The following CNTN5 variants were observed in gnomAD, a reference collection of about 807,000 sequenced individuals.
CNTN5 encodes the protein contactin 5.
Under a neutral mutation model 129.1 loss-of-function variants are expected in CNTN5, and 77 were observed. That is an observed-to-expected ratio of 0.60 (90% CI 0.50 to 0.72). The LOEUF is 0.72. Among genes scored for constraint, CNTN5 ranks in the 30% least tolerant of loss-of-function variants. The pLI is 0.00. For missense variants in CNTN5, 1,478 were observed against 1,328.8 expected (o/e 1.11, Z -1.75); for synonymous variants, 509 against 465.6 (o/e 1.09, Z -1.20).
intron 3 of CNTN5, among the ~76,000 whole-genome samples, chr11:99,662,188 G>A (rs932954581): frequency 1.3e-5 from 2 of 152,038 alleles, no homozygotes; most frequent in Non-Finnish European, 2.9e-5. Context: ...TAAGTACTGA[G>A]AATATTTCAA....
chr11:99,186,271 A>C (rs1440942130), intron 1 of CNTN5, among the ~76,000 whole-genome samples: 2 of 151,954 alleles, frequency 1.3e-5, no homozygotes, highest in Admixed American at 1.3e-4. Flanking sequence ...AATAGAGAGA[A>C]ATACTTTTCT....
rs868258491 is a variant in CNTN5 at position 99,796,879 on chromosome 11, T to C, written c.56-22665T>C. Among the ~76,000 whole-genome samples the C allele has an allele frequency of 6.6e-5, 10 of 152,156 alleles. 1 individual carries two copies. Among genetic ancestry groups the C allele is most frequent in the Admixed American group, 3.9e-4 (6 of 15,282 alleles). ...AAGCAGCTCTCCCTGACAACTCAAG[T>C]GTCTCTGGAGGTCGTGTGGTCTTCT... On this transcript the variant is annotated intron_variant, in intron 3 of 24. Coordinates refer to ENST00000524871, the MANE Select transcript of CNTN5 (RefSeq NM_014361.4).
intron 6 of CNTN5, among the ~76,000 whole-genome samples, chr11:99,909,762 G>A (rs536322629): frequency 2.8e-4 from 42 of 151,858 alleles, no homozygotes; most frequent in Middle Eastern, 6.8e-3. Flanking sequence ...ATTGAACAAT[G>A]AGAACACATG....
rs1381352741 is a variant in CNTN5, at chr11:100,286,112, C to T, written c.2315-11513C>T. Among the ~76,000 whole-genome samples the T allele has an allele frequency of 3.9e-5, 6 of 152,316 alleles. No individual in the cohort carries two copies. In the South Asian group the frequency reaches 6.2e-4, roughly 16 times the overall value. On this transcript the variant is annotated intron_variant, in intron 18 of 24. Transcript: ENST00000524871. ...CCTGGCTGGGAGGGTCCTACGCCCA[C>T]GGAGTCTCGCTGATTGCTAGCACAG...
chr11:99,937,860 G>T (rs12795804), intron 7 of CNTN5, among the ~76,000 whole-genome samples: 45,706 of 152,050 alleles, frequency 0.3, 8,110 homozygotes, highest in South Asian at 0.39. Flanking sequence ...CCTTGATCTT[G>T]AAACTGAACC....
intron 3 of CNTN5, among the ~76,000 whole-genome samples, chr11:99,660,834 C>T (rs1351426883): frequency 6.6e-6 from 1 of 151,784 alleles, no homozygotes; most frequent in East Asian, 1.9e-4. Flanking sequence ...TTTTTCTTCT[C>T]TACATTTCAA....
chr11:100,105,580 C>T (rs751274084), intron 13 of CNTN5, among the ~76,000 whole-genome samples: 21 of 152,156 alleles, frequency 1.4e-4, no homozygotes, highest in South Asian at 6.2e-4. Context: ...AGGACCCATA[C>T]GGTAAGATGA....
intron 1 of CNTN5, among the ~76,000 whole-genome samples, chr11:99,042,122 A>G (rs1864008058): frequency 6.6e-6 from 1 of 152,146 alleles, no homozygotes; most frequent in South Asian, 2.1e-4. Flanking sequence ...ATCATTATAT[A>G]TAATTATTTG....
chr11:99,344,930 G>T (rs1937720586), intron 2 of CNTN5, among the ~76,000 whole-genome samples: 1 of 152,172 alleles, frequency 6.6e-6, no homozygotes, highest in Non-Finnish European at 1.5e-5. Context: ...AGACATTTCT[G>T]GACCTCTTAT....
chr11:100,264,624 G>A (rs1027675655), intron 17 of CNTN5, among the ~76,000 whole-genome samples: 1 of 152,090 alleles, frequency 6.6e-6, no homozygotes, highest in African/African-American at 2.4e-5. Flanking sequence ...CCTTTATCCA[G>A]TCTATTATTT....
chr11:100,316,290 C>T (rs367738660), intron 21 of CNTN5, among the ~76,000 whole-genome samples: 32 of 152,246 alleles, frequency 2.1e-4, no homozygotes, highest in African/African-American at 7.0e-4. Context: ...CACTCCTTCA[C>T]TCATCAAGCA....
At chr11:99,657,259 A>G (rs540371892) in intron 3 of CNTN5, among the ~76,000 whole-genome samples, 1 of 152,020 alleles carries the variant, frequency 6.6e-6, no homozygotes, top group East Asian at 1.9e-4. Context: ...AAGTGTTTGA[A>G]AAACATCAAC....
At chr11:100,266,131 T>A (rs550192430) in intron 17 of CNTN5, among the ~76,000 whole-genome samples, 53 of 152,226 alleles carry the variant, frequency 3.5e-4, no homozygotes, top group African/African-American at 1.2e-3. Context: ...TGGCTCATAC[T>A]TGTGGTCTCA....
intron 3 of CNTN5, among the ~76,000 whole-genome samples, chr11:99,642,266 TTTGA>T (rs1951797900): frequency 6.6e-6 from 1 of 152,200 alleles, no homozygotes; most frequent in African/African-American, 2.4e-5. Context: ...AGGTTTCTTG[TTTGA>T]TTGTCACTGA....
At chr11:100,246,396 T>G (rs75523487) in intron 16 of CNTN5, among the ~76,000 whole-genome samples, 11,268 of 152,130 alleles carry the variant, frequency 0.074, 470 homozygotes, top group Middle Eastern at 0.21. Flanking sequence ...TGTCCAAATC[T>G]CTTTTCTTTA....
At chr11:99,140,923 G>A (rs370021343) in intron 1 of CNTN5, among the ~76,000 whole-genome samples, 3 of 151,194 alleles carry the variant, frequency 2.0e-5, no homozygotes, top group African/African-American at 7.3e-5. Flanking sequence ...GATGTTTGCA[G>A]CTATCTTCTT....
intron 3 of CNTN5, among the ~76,000 whole-genome samples, chr11:99,687,299 T>C (rs1004130381): frequency 2.0e-5 from 3 of 152,152 alleles, no homozygotes; most frequent in South Asian, 2.1e-4. Context: ...AAGGTCAATA[T>C]AATACCTCTC....
intron 3 of CNTN5, among the ~76,000 whole-genome samples, chr11:99,774,468 T>C (rs986307083): frequency 6.8e-6 from 1 of 147,736 alleles, no homozygotes; most frequent in African/African-American, 2.5e-5. Flanking sequence ...TCGAGCCCAA[T>C]TTTTTTAAGA....
In CNTN5 at chr11:99,845,255, G is replaced by T; in HGVS notation, c.570G>T (p.Gln190His). The change falls in exon 6 of 25, where the codon CAG becomes CAT. Residue 190 changes from glutamine (Q) to histidine (H), a missense_variant. Coordinates refer to ENST00000524871, the MANE Select transcript of CNTN5 (RefSeq NM_014361.4). ...GSILSREATL[Q>H]FAYLGNFSGR... ...TTCTTAGTAGAGAAGCTACACTGCAGTTTGCCTGTGAGTAAAATATATGAT... is the reference window on the plus strand; with the variant it reads ...TTCTTAGTAGAGAAGCTACACTGCATTTTGCCTGTGAGTAAAATATATGAT... 1 of 1,601,374 alleles carries T rather than the reference G, an allele frequency of 6.2e-7. No homozygotes were observed. Among genetic ancestry groups the T allele is most frequent in the East Asian group, 2.2e-5 (1 of 44,498 alleles).
Sources: allele counts gnomAD v4.1 joint callset (sites outside exome capture counted in the v4.1 genomes callset), GRCh38; gene constraint gnomAD v4.1.1; transcripts MANE v1.5; gene names NCBI Gene and HGNC (gene_info 2026-07-23, HGNC 2026-07-21).